The following ZNF212 variants were observed in gnomAD, a reference collection of about 807,000 sequenced individuals.
ZNF212 encodes Zinc finger protein C2H2-150.
A neutral mutation model predicts 47.3 loss-of-function variants in ZNF212; 32 were observed. The ratio of observed to expected loss-of-function variants is 0.68; its 90% CI spans 0.51 to 0.91. The LOEUF is 0.91. Among genes scored for constraint, ZNF212 ranks in the 40% least tolerant of loss-of-function variants. ZNF212 has a pLI of 0.00. For missense variants in ZNF212, 555 were observed against 622.8 expected (o/e 0.89, Z 1.16); for synonymous variants, 242 against 253.8 (o/e 0.95, Z 0.44).
At chr7:149,243,433 C>CAAAAAAAAAAAAAAAAAAAAA (rs869068988) in intron 1 of ZNF212, among the ~76,000 whole-genome samples, 1 of 56,020 alleles carries the variant, frequency 1.8e-5, no homozygotes, top group African/African-American at 6.5e-5. Flanking sequence ...GACTCCGTCT[C>CAAAAAAAAAAAAAAAAAAAAA]AAAAAAAAAA....
In ZNF212 at chr7:149,247,055, G is replaced by A. The variant is rs556885481; in HGVS notation, c.25-3104G>A. 1.1e-4 allele frequency among the ~76,000 whole-genome samples: 16 copies of A among 148,766 alleles called. 1 individual carries two copies. In the South Asian group the frequency reaches 1.5e-3, roughly 14 times the overall value. ...TCGAACTCCCAACCTCAGGTGATCC[G>A]CCCGCCTCGGCCTCCCAAAGTGCTG... On this transcript the variant is annotated intron_variant, in intron 1 of 4. Transcript: ENST00000335870.
Position 149,250,266 on chromosome 7 carries a change from G to C in ZNF212, c.132G>C (p.Val44=), listed in dbSNP as rs755309668. The change falls in exon 2 of 5, where the codon GTG becomes GTC. Residue 44 remains valine, a synonymous_variant. Transcript: ENST00000335870. ...FQTTEISLWT[V]VAAIQAVEKK... is the part of the protein sequence containing the mutation. ...CCACCGAGATTTCACTCTGGACGGTGGTGGCCGCTATTCAGGCTGTGGAGA... is the reference window on the plus strand; with the variant it reads ...CCACCGAGATTTCACTCTGGACGGTCGTGGCCGCTATTCAGGCTGTGGAGA... 14 of 1,613,348 alleles carry C rather than the reference G, an allele frequency of 8.7e-6. No homozygotes were observed. Among genetic ancestry groups the C allele is most frequent in the Non-Finnish European group, 1.2e-5 (14 of 1,179,704 alleles).
intron 3 of ZNF212, chr7:149,251,068 T>TTTC: frequency 2.7e-5 from 9 of 328,768 alleles, no homozygotes; most frequent in East Asian, 6.2e-5. Flanking sequence ...TTTTTTTTTT[T>TTTC]CCTGTGGTCA....
intron 1 of ZNF212, among the ~76,000 whole-genome samples, chr7:149,246,644 C>A (rs1214328556): frequency 3.3e-5 from 5 of 152,220 alleles, no homozygotes; most frequent in African/African-American, 1.2e-4. Context: ...CCCTCCTCGG[C>A]CTCCCAAAGT....
chr7:149,240,315 G>GATGATGTTATCTCCTT (rs1380055266), intron 1 of ZNF212, among the ~76,000 whole-genome samples: 1 of 152,190 alleles, frequency 6.6e-6, no homozygotes, highest in Non-Finnish European at 1.5e-5. Context: ...CTTCTCCTTG[G>GATGATGTTATCTCCTT]GGACGGATGT....
At chr7:149,246,813 C>CTTT (rs71194633) in intron 1 of ZNF212, among the ~76,000 whole-genome samples, 21 of 103,558 alleles carry the variant, frequency 2.0e-4, no homozygotes, top group Middle Eastern at 7.1e-3. Flanking sequence ...TGTCTGAATT[C>CTTT]TTTTTTTTTT....
At chr7:149,243,458 A>AAAAAG (rs1563187292) in intron 1 of ZNF212, among the ~76,000 whole-genome samples, 3 of 144,340 alleles carry the variant, frequency 2.1e-5, no homozygotes, top group Admixed American at 7.0e-5. Context: ...AAAAAAAAAA[A>AAAAAG]AGAGAGAGAG....
intron 1 of ZNF212, among the ~76,000 whole-genome samples, chr7:149,242,021 C>CTTTTTTTTT (rs34883587): frequency 7.4e-5 from 9 of 121,344 alleles, no homozygotes; most frequent in Non-Finnish European, 1.2e-4. Context: ...CTTTTCTTTT[C>CTTTTTTTTT]TTTTTTTTTT....
intron 1 of ZNF212, among the ~76,000 whole-genome samples, chr7:149,243,158 C>CAA (rs1796619567): frequency 6.6e-6 from 1 of 152,062 alleles, no homozygotes; most frequent in Non-Finnish European, 1.5e-5. Context: ...CTTTGGGAGG[C>CAA]AAAGTTGGGT....
At chr7:149,250,118 T>C (rs1217271418) in intron 1 of ZNF212, 41 bp from the exon 2 acceptor site, 1 of 1,469,036 alleles carries the variant, frequency 6.8e-7, no homozygotes, top group Non-Finnish European at 9.0e-7. Context: ...CTTTACTTGA[T>C]GTTTGGAAGT....
Position 149,254,384 on chromosome 7 carries a change from TGGA to T in ZNF212, c.1459_1461del (p.Glu487del). On this transcript the variant is annotated inframe_deletion, in exon 5 of 5. Transcript: ENST00000335870. The surrounding 1 kb of genome is among the most constrained non-coding windows in gnomAD (Gnocchi z 4.5). ...CAGCGGGAGCGGGGTGGGCTGGCCC[TGGA>T]GCCCGGAAGGCCCAATGGCCTGCTT... 2 of 1,605,220 alleles carry T rather than the reference TGGA, an allele frequency of 1.2e-6. No homozygotes were observed. The highest frequency in any genetic ancestry group is 1.7e-6 in the Non-Finnish European group (2 of 1,179,572).
At chr7:149,247,852 A>T (rs1362624662) in intron 1 of ZNF212, among the ~76,000 whole-genome samples, 1 of 152,200 alleles carries the variant, frequency 6.6e-6, no homozygotes, top group African/African-American at 2.4e-5. Flanking sequence ...AGGCTGGGTA[A>T]TTCATGAAGA....
chr7:149,248,970 C>G (rs1359691828), intron 1 of ZNF212, among the ~76,000 whole-genome samples: 1 of 152,156 alleles, frequency 6.6e-6, no homozygotes, highest in Admixed American at 6.5e-5. Context: ...GATATTTCCT[C>G]TAGTGTCTCG....
intron 1 of ZNF212, 112 bp from the exon 2 acceptor site, chr7:149,250,047 C>A: frequency 9.3e-7 from 1 of 1,074,568 alleles, no homozygotes; most frequent in Non-Finnish European, 1.2e-6. Flanking sequence ...AAAAGACATG[C>A]TTTTTTTTAA....
chr7:149,250,503 C>G lies in ZNF212; in HGVS notation c.369C>G (p.Phe123Leu). ...NVENLLRNRN[F>L]WILRLPPGSK... is the part of the protein sequence containing the mutation. The stretch of plus-strand genomic sequence containing the variant: ...AGAACCTGCTGCGCAACAGGAACTT[C>G]TGGATCCTGCGGCTGCCCCCGGGCA... Residue 123 changes from phenylalanine (F) to leucine (L), a missense_variant, in exon 2 of 5, where the codon TTC becomes TTG. Transcript: ENST00000335870. 1 of 1,614,006 alleles carries G rather than the reference C, an allele frequency of 6.2e-7. No individual in the cohort carries two copies. Among genetic ancestry groups the G allele is most frequent in the East Asian group, 2.2e-5 (1 of 44,890 alleles).
chr7:149,242,305 T>C (rs1007718589), intron 1 of ZNF212, among the ~76,000 whole-genome samples: 3 of 150,962 alleles, frequency 2.0e-5, no homozygotes, highest in Admixed American at 6.6e-5. Flanking sequence ...TACCACTGCA[T>C]GAGCCACCGC....
intron 1 of ZNF212, among the ~76,000 whole-genome samples, chr7:149,243,814 C>T (rs1374269646): frequency 6.6e-6 from 1 of 152,172 alleles, no homozygotes; most frequent in African/African-American, 2.4e-5. Context: ...AGTAGAACTT[C>T]CCAAGATGAT....
intron 4 of ZNF212, 24 bp from the exon 5 acceptor site, chr7:149,253,535 T>G: frequency 6.3e-7 from 1 of 1,579,888 alleles, no homozygotes; most frequent in Middle Eastern, 1.7e-4. Flanking sequence ...TGATCTTTTT[T>G]GTTGGTCTTC....
At chr7:149,250,046 G>A (rs1796730231) in intron 1 of ZNF212, 113 bp from the exon 2 acceptor site, 1 of 1,058,040 alleles carries the variant, frequency 9.5e-7, no homozygotes, top group Non-Finnish European at 1.2e-6. Context: ...TAAAAGACAT[G>A]CTTTTTTTTA....
Sources: gnomAD v4.1 joint callset for allele counts (sites outside exome capture counted in the v4.1 genomes callset) on GRCh38, gnomAD v4.1.1 for gene constraint, Gnocchi (gnomAD v3.1) non-coding constraint, MANE v1.5 for transcripts, NCBI Gene and HGNC (gene_info 2026-07-23, HGNC 2026-07-21) for gene names.